BTBD9: variants seen among roughly 807,000 people sequenced by gnomAD.
BTBD9 encodes the protein BTB domain containing 9, also known as BTB/POZ domain-containing protein 9.
Under a neutral mutation model 64.3 loss-of-function variants are expected in BTBD9, and 49 were observed. The observed-to-expected ratio is 0.76, with a 90% CI of 0.61 to 0.97. BTBD9 has a LOEUF of 0.97. BTBD9 is among the 50% of genes least tolerant of loss of function. The pLI is 0.00. For missense variants in BTBD9, 598 were observed against 762.1 expected (o/e 0.78, Z 2.53); for synonymous variants, 260 against 274.7 (o/e 0.95, Z 0.53).
intron 1 of BTBD9, among the ~76,000 whole-genome samples, chr6:38,607,536 G>A (rs781036681): frequency 1.3e-5 from 2 of 152,102 alleles, no homozygotes; most frequent in Non-Finnish European, 2.9e-5. Context: ...TGCTTCACTT[G>A]ATTGGTTATC....
intron 6 of BTBD9, among the ~76,000 whole-genome samples, chr6:38,447,426 A>T (rs890613039): frequency 6.6e-6 from 1 of 152,232 alleles, no homozygotes; most frequent in African/African-American, 2.4e-5. Flanking sequence ...AGAACCTTAA[A>T]CATTAGTAAT....
intron 6 of BTBD9, among the ~76,000 whole-genome samples, chr6:38,402,371 A>G (rs1360348148): frequency 6.6e-6 from 1 of 152,210 alleles, no homozygotes; most frequent in Non-Finnish European, 1.5e-5. Flanking sequence ...AGAACCCAGA[A>G]TAGCCAAAAC....
intron 4 of BTBD9, chr6:38,587,966 G>A (rs1582678819): frequency 6.8e-6 from 5 of 733,524 alleles, no homozygotes; most frequent in East Asian, 2.5e-5. Flanking sequence ...CAGCATTGCC[G>A]CCTCCTCCTC....
At chr6:38,455,192 A>C (rs2127343170) in intron 6 of BTBD9, among the ~76,000 whole-genome samples, 1 of 152,346 alleles carries the variant, frequency 6.6e-6, no homozygotes, top group Admixed American at 6.5e-5. Context: ...GAGTTTAAAA[A>C]ATGCAGAGAC....
At chr6:38,584,887 C>T (rs895003307) in intron 4 of BTBD9, among the ~76,000 whole-genome samples, 8 of 152,044 alleles carry the variant, frequency 5.3e-5, no homozygotes, top group Admixed American at 3.9e-4. Context: ...AAACATACCA[C>T]AGAATGGAAA....
chr6:38,267,165 T>C (rs2127541911), intron 8 of BTBD9, among the ~76,000 whole-genome samples: 1 of 152,384 alleles, frequency 6.6e-6, no homozygotes, highest in South Asian at 2.1e-4. Flanking sequence ...AGCTGGCTTT[T>C]AGCTTCATTT....
At chr6:38,384,291 C>T (rs1341088823) in intron 6 of BTBD9, among the ~76,000 whole-genome samples, 1 of 152,196 alleles carries the variant, frequency 6.6e-6, no homozygotes, top group Non-Finnish European at 1.5e-5. Context: ...TCTGCTATAA[C>T]ATCAAATATG....
At chr6:38,550,322 CT>C (rs70981562) in intron 6 of BTBD9, among the ~76,000 whole-genome samples, 26,779 of 143,872 alleles carry the variant, frequency 0.19, 2,370 homozygotes, top group East Asian at 0.26. Context: ...TTTCTTTTTT[CT>C]TTTTTTTTTT....
At chr6:38,299,773 G>C (rs1321236366) in intron 7 of BTBD9, among the ~76,000 whole-genome samples, 8 of 152,262 alleles carry the variant, frequency 5.3e-5, no homozygotes, top group Non-Finnish European at 8.8e-5. Flanking sequence ...TGTCAGATGA[G>C]TAGGTTGCAA....
intron 6 of BTBD9, among the ~76,000 whole-genome samples, chr6:38,410,424 G>T (rs1408943091): frequency 1.3e-5 from 2 of 151,660 alleles, no homozygotes; most frequent in Non-Finnish European, 2.9e-5. Flanking sequence ...AGTGAGCCGT[G>T]ACCACACTAC....
chr6:38,194,707 T>A (rs1762215032), intron 9 of BTBD9, among the ~76,000 whole-genome samples: 3 of 152,060 alleles, frequency 2.0e-5, no homozygotes, highest in African/African-American at 7.2e-5. Flanking sequence ...GAGGTCTCGC[T>A]GGGAGCCGTC....
At chr6:38,394,437 G>T (rs1167639354) in intron 6 of BTBD9, among the ~76,000 whole-genome samples, 2 of 152,030 alleles carry the variant, frequency 1.3e-5, no homozygotes, top group African/African-American at 2.4e-5. Flanking sequence ...GTTTTTTGTG[G>T]CAAGAAAGAA....
intron 7 of BTBD9, among the ~76,000 whole-genome samples, chr6:38,320,046 A>C (rs1180430749): frequency 6.6e-6 from 1 of 152,194 alleles, no homozygotes; most frequent in Non-Finnish European, 1.5e-5. Context: ...TGTTCTGCCC[A>C]GTGTTGGCAG....
In BTBD9 at chr6:38,239,928, G is replaced by T. The variant is rs140145030; in HGVS notation, c.1562+16481C>A. On this transcript the variant is annotated intron_variant, in intron 9 of 10. Transcript: ENST00000481247. ...AACGTCACACTTACCTTATCAGAAA[G>T]AGCAGCCTGGCACTGGCACAGGAGT... Among the ~76,000 whole-genome samples the T allele has an allele frequency of 4.6e-3, 700 of 152,294 alleles. 3 individuals are homozygous for T. The highest frequency in any genetic ancestry group is 0.015 in the African/African-American group (625 of 41,564).
chr6:38,494,287 A>G (rs9462435), intron 6 of BTBD9, among the ~76,000 whole-genome samples: 11,953 of 152,248 alleles, frequency 0.079, 519 homozygotes, highest in Middle Eastern at 0.1. Flanking sequence ...TTCAATATCA[A>G]ACCATTTTTC....
intron 8 of BTBD9, among the ~76,000 whole-genome samples, chr6:38,278,900 A>G (rs77627420): frequency 0.057 from 8,751 of 152,268 alleles, 320 homozygotes; most frequent in Non-Finnish European, 0.07. Context: ...AAGGGCAGCA[A>G]GGAAAGAAAA....
chr6:38,322,045 A>T (rs1763257477), intron 7 of BTBD9, among the ~76,000 whole-genome samples: 1 of 151,954 alleles, frequency 6.6e-6, no homozygotes. Context: ...ATGAGACAAA[A>T]TGGTAGTTTT....
chr6:38,179,918 CGAG>C (rs1276055137), intron 10 of BTBD9: 2 of 432,612 alleles, frequency 4.6e-6, no homozygotes, highest in Non-Finnish European at 9.3e-6. Flanking sequence ...GCAAAGGGAA[CGAG>C]GAGAAGATTT....
intron 6 of BTBD9, among the ~76,000 whole-genome samples, chr6:38,423,237 C>G (rs1767986513): frequency 6.6e-6 from 1 of 152,114 alleles, no homozygotes; most frequent in East Asian, 1.9e-4. Context: ...TACACTCCAG[C>G]CTGGGCAACA....
Sources: gnomAD v4.1 joint callset for allele counts (sites outside exome capture counted in the v4.1 genomes callset) on GRCh38, gnomAD v4.1.1 for gene constraint, MANE v1.5 for transcripts, NCBI Gene and HGNC (gene_info 2026-07-23, HGNC 2026-07-21) for gene names.